The following ADAMTS17 variants were observed in gnomAD, a reference collection of about 807,000 sequenced individuals.
ADAMTS17 encodes the protein ADAM metallopeptidase with thrombospondin type 1 motif 17, also known as A disintegrin and metalloproteinase with thrombospondin motifs 17.
ADAMTS17 carries 113 observed loss-of-function variants against 141.5 expected under a neutral mutation model. The observed-to-expected ratio is 0.80, with a 90% CI of 0.69 to 0.93. The LOEUF is 0.93. ADAMTS17 is among the 40% of genes least tolerant of loss of function. ADAMTS17 has a pLI of 0.00. For synonymous variants in ADAMTS17, 768 were observed against 630.6 expected, an observed-to-expected ratio of 1.22 and a Z score of -3.27; for missense variants, 1,659 against 1,517.9, an observed-to-expected ratio of 1.09 and a Z score of -1.54.
At chr15:100,323,344 G>A (rs1032773129) in intron 3 of ADAMTS17, among the ~76,000 whole-genome samples, 18 of 152,140 alleles carry the variant, frequency 1.2e-4, no homozygotes, top group Non-Finnish European at 2.5e-4. Flanking sequence ...GTAGAGACAG[G>A]AAATCAAATC....
chr15:100,282,178 A>T (rs1245808792), intron 3 of ADAMTS17, among the ~76,000 whole-genome samples: 2 of 152,222 alleles, frequency 1.3e-5, no homozygotes, highest in Non-Finnish European at 2.9e-5. Flanking sequence ...GGTTGATATG[A>T]ACAGCATGCA....
chr15:100,326,565 G>C (rs912309158), intron 3 of ADAMTS17, among the ~76,000 whole-genome samples: 1 of 152,188 alleles, frequency 6.6e-6, no homozygotes, highest in Non-Finnish European at 1.5e-5. Flanking sequence ...GATTACACCT[G>C]GATTTGAGAT....
intron 3 of ADAMTS17, among the ~76,000 whole-genome samples, chr15:100,323,153 TA>T (rs1463089732): frequency 7.1e-6 from 1 of 140,272 alleles, no homozygotes; most frequent in East Asian, 2.1e-4. Context: ...TATGAAAAAA[TA>T]AAAATTCAAT....
At chr15:100,284,424 T>C (rs2044381359) in intron 3 of ADAMTS17, among the ~76,000 whole-genome samples, 1 of 152,208 alleles carries the variant, frequency 6.6e-6, no homozygotes, top group African/African-American at 2.4e-5. Context: ...AAGGGATGAA[T>C]AATGACACTT....
intron 10 of ADAMTS17, among the ~76,000 whole-genome samples, chr15:100,151,443 A>G (rs2141347545): frequency 6.6e-6 from 1 of 152,304 alleles, no homozygotes; most frequent in African/African-American, 2.4e-5. Flanking sequence ...GTCTGGGCTA[A>G]TGGGCATTGG....
intron 20 of ADAMTS17, among the ~76,000 whole-genome samples, chr15:99,977,105 G>A (rs749964875): frequency 5.3e-5 from 8 of 152,018 alleles, no homozygotes; most frequent in Non-Finnish European, 1.0e-4. Context: ...AAGCCTGGAG[G>A]ATTGGGGCTT....
rs545849101 is a variant in ADAMTS17 at position 100,257,554 on chromosome 15, A to G, written c.1032-3375T>C. On this transcript the variant is annotated intron_variant, in intron 6 of 21. Transcript: ENST00000268070. ...GGCTCCCGGGCTGGCAACAGCTAATAGCTATGCAAGACGCCAAATGCATCC... is the reference window on the plus strand; with the variant it reads ...GGCTCCCGGGCTGGCAACAGCTAATGGCTATGCAAGACGCCAAATGCATCC... 3.9e-5 allele frequency among the ~76,000 whole-genome samples: 6 copies of G among 152,334 alleles called. No individual in the cohort carries two copies. The South Asian group carries it at 1.2e-3, about 32-fold the overall frequency.
intron 7 of ADAMTS17, among the ~76,000 whole-genome samples, chr15:100,247,627 A>T (rs781257578): frequency 4.6e-5 from 7 of 152,164 alleles, no homozygotes; most frequent in Non-Finnish European, 8.8e-5. Context: ...TTTATGCATA[A>T]AAAGTGGCAT....
chr15:100,171,019 C>A (rs12441281), intron 8 of ADAMTS17, among the ~76,000 whole-genome samples: 4 of 152,124 alleles, frequency 2.6e-5, no homozygotes, highest in Non-Finnish European at 5.9e-5. Flanking sequence ...CTGCTGCCCC[C>A]CTTAGGGGCA....
chr15:100,068,394 G>A (rs1005502711), intron 15 of ADAMTS17, among the ~76,000 whole-genome samples: 9 of 152,348 alleles, frequency 5.9e-5, no homozygotes, highest in Non-Finnish European at 2.9e-5. Flanking sequence ...TGACAGCCTT[G>A]AAGAGAGTAG....
intron 7 of ADAMTS17, among the ~76,000 whole-genome samples, chr15:100,208,630 T>C (rs1373028279): frequency 2.0e-5 from 3 of 152,318 alleles, no homozygotes; most frequent in Admixed American, 2.0e-4. Flanking sequence ...CATTCATCAT[T>C]ACACAAAGCT....
chr15:100,034,811 G>C (rs2030543900), intron 18 of ADAMTS17, among the ~76,000 whole-genome samples: 1 of 152,068 alleles, frequency 6.6e-6, no homozygotes, highest in East Asian at 1.9e-4. Flanking sequence ...AACCTCTCTT[G>C]GAAAAGGACC....
intron 2 of ADAMTS17, among the ~76,000 whole-genome samples, chr15:100,333,239 C>T (rs1030019869): frequency 6.6e-6 from 1 of 152,178 alleles, no homozygotes; most frequent in African/African-American, 2.4e-5. Context: ...GAGGCAAGAT[C>T]AGAATTATTC....
intron 6 of ADAMTS17, among the ~76,000 whole-genome samples, chr15:100,259,856 T>C (rs1477799485): frequency 6.6e-6 from 1 of 152,162 alleles, no homozygotes; most frequent in African/African-American, 2.4e-5. Flanking sequence ...TTTTTGTTTT[T>C]CTTTTGAGAC....
chr15:100,262,795 A>C (rs944923756), intron 4 of ADAMTS17, among the ~76,000 whole-genome samples: 15 of 151,656 alleles, frequency 9.9e-5, no homozygotes, highest in East Asian at 1.9e-4. Context: ...AAAAAAAAAA[A>C]AACAAAAAAC....
At chr15:100,166,044 G>C (rs536429619) in intron 8 of ADAMTS17, among the ~76,000 whole-genome samples, 1 of 152,204 alleles carries the variant, frequency 6.6e-6, no homozygotes, top group Non-Finnish European at 1.5e-5. Context: ...TTAGAAGTTT[G>C]AGTCTTGCCA....
At chr15:100,196,822 G>T (rs376452697) in intron 8 of ADAMTS17, among the ~76,000 whole-genome samples, 2 of 152,186 alleles carry the variant, frequency 1.3e-5, no homozygotes, top group Non-Finnish European at 2.9e-5. Context: ...GCCTGCTGAC[G>T]GGGAGGACAT....
rs768536089 is a variant in ADAMTS17 at position 100,132,054 on chromosome 15, T to G, written c.1674A>C (p.Thr558=). The G allele has an allele frequency of 1.2e-6, 2 of 1,613,888 alleles. No homozygotes were observed. Among genetic ancestry groups the G allele is most frequent in the East Asian group, 4.5e-5 (2 of 44,862 alleles). ...GCCTGAAGCGGGCTCCCGTCCCACA[T>G]GTTCGGCTGCACATGCTCCAGGCGC... is the stretch of plus-strand genomic sequence containing the variant. ...PWGAWSMCSR[T]CGTGARFRQR... is the part of the protein sequence containing the mutation. The change falls in exon 12 of 22, where the codon ACA becomes ACC. Residue 558 remains threonine (T), a synonymous_variant. Coordinates refer to ENST00000268070, the MANE Select transcript of ADAMTS17 (RefSeq NM_139057.4).
intron 3 of ADAMTS17, among the ~76,000 whole-genome samples, chr15:100,330,322 TA>T (rs2046012207): frequency 6.6e-6 from 1 of 152,220 alleles, no homozygotes; most frequent in African/African-American, 2.4e-5. Context: ...AGCACGTATC[TA>T]AATCCCCTGG....
Sources: allele counts gnomAD v4.1 joint callset (sites outside exome capture counted in the v4.1 genomes callset), GRCh38; gene constraint gnomAD v4.1.1; transcripts MANE v1.5; gene names NCBI Gene and HGNC (gene_info 2026-07-23, HGNC 2026-07-21).